ADAMTSL4: variants seen among roughly 807,000 people sequenced by gnomAD.
ADAMTSL4 encodes the protein ADAMTS-like protein 4.
Under a neutral mutation model 122.8 loss-of-function variants are expected in ADAMTSL4, and 97 were observed. That is an observed-to-expected ratio of 0.79 (90% CI 0.67 to 0.93). The LOEUF (loss-of-function observed/expected upper bound fraction) is 0.93, where lower values mean the gene tolerates loss of function less well. Ranked by LOEUF, ADAMTSL4 falls within the 40% of genes least tolerant of loss-of-function variation. ADAMTSL4 has a pLI of 0.00. For missense variants in ADAMTSL4, 1,408 were observed against 1,453.5 expected (o/e 0.97, Z 0.51); for synonymous variants, 592 against 568.0 (o/e 1.04, Z -0.60).
chr1:150,552,934 G>A lies in ADAMTSL4; in HGVS notation c.115G>A (p.Glu39Lys), dbSNP rs1476070552. 3 of 1,612,922 alleles carry A rather than the reference G, an allele frequency of 1.9e-6. No individual in the cohort carries two copies. Among genetic ancestry groups the A allele is most frequent in the African/African-American group, 1.3e-5 (1 of 74,898 alleles). ...SGHSLQTPTE[E>K]GQGPEGVWGP... ...ACACTCTCTTCAGACACCTACAGAG[G>A]AGGGCCAGGGCCCCGAAGGTGTCTG... is the stretch of plus-strand genomic sequence containing the variant. The change falls in exon 5 of 19, where the codon GAG becomes AAG. Residue 39 changes from glutamate (E) to lysine (K), a missense_variant. Glu to Lys is a moderately conservative substitution (Grantham distance 56). Coordinates refer to ENST00000271643, the MANE Select transcript of ADAMTSL4 (RefSeq NM_019032.6). The surrounding 1 kb of genome is among the most constrained non-coding windows in gnomAD (Gnocchi z 4.0).
rs148221367 is a variant in ADAMTSL4 at position 150,557,262 on chromosome 1, G to C, written c.1974G>C (p.Arg658Ser). ...IPQMPAPPHP[R>S]TPLGSPAAYW... ...AGATGCCCGCCCCGCCCCATCCCAG[G>C]ACACCCCTGGGGTCTCCAGCTGCGT... Residue 658 changes from arginine to serine, a missense_variant, in exon 12 of 19, where the codon AGG (arginine) becomes AGC (serine). By Grantham distance (110) the Arg-to-Ser change is moderately radical. Coordinates refer to ENST00000271643, the MANE Select transcript of ADAMTSL4 (RefSeq NM_019032.6). 1.4e-4 allele frequency: 226 copies of C among 1,611,792 alleles called. No homozygotes were observed. The highest frequency in any genetic ancestry group is 1.8e-4 in the Non-Finnish European group (209 of 1,179,548).
chr1:150,555,698 C>A, intron 8 of ADAMTSL4, 133 bp downstream of exon 8: 2 of 1,277,962 alleles, frequency 1.6e-6, no homozygotes, highest in Non-Finnish European at 2.1e-6. Flanking sequence ...CACGCATATG[C>A]GCACAGACAC....
At chr1:150,558,345 C>T in intron 14 of ADAMTSL4, 128 bp from the exon 15 acceptor site, 1 of 1,538,502 alleles carries the variant, frequency 6.5e-7, no homozygotes, top group Non-Finnish European at 8.7e-7. Flanking sequence ...GCCTCCTCCT[C>T]AGCCCACGAA....
Position 150,553,617 on chromosome 1 carries a change from G to A in ADAMTSL4, c.626G>A (p.Ser209Asn), listed in dbSNP as rs749330047. 6.2e-7 allele frequency: 1 copy of A among 1,613,674 alleles called. No homozygotes were observed. The highest frequency in any genetic ancestry group is 8.5e-7 in the Non-Finnish European group (1 of 1,179,916). ...GCAGAGCCATTCTCCGCAAACGGCA[G>A]CCCCCAAACTGAGCTCCCTCCCACA... ...PRAEPFSANG[S>N]PQTELPPTEL... Residue 209 changes from serine (S) to asparagine (N), a missense_variant, in exon 6 of 19, where the codon AGC (serine) becomes AAC (asparagine). Ser to Asn is a conservative substitution (Grantham distance 46). Coordinates refer to ENST00000271643, the MANE Select transcript of ADAMTSL4 (RefSeq NM_019032.6).
chr1:150,556,790 C>T lies in ADAMTSL4; in HGVS notation c.1746C>T (p.Val582=), dbSNP rs199966387. 2.5e-6 allele frequency: 4 copies of T among 1,613,226 alleles called. No individual in the cohort carries two copies. In the Admixed American group the frequency reaches 5.0e-5, roughly 20 times the overall value. Residue 582 remains valine (V), a synonymous_variant, in exon 10 of 19, where the codon GTC becomes GTT. Transcript: ENST00000271643. The surrounding 1 kb of genome is among the most constrained non-coding windows in gnomAD (Gnocchi z 4.1). The part of the protein sequence containing the change: ...AEGPTTQPVD[V]YMIFQEENPG... ...GCCCCACCACCCAGCCTGTGGATGT[C>T]TATGTGAGCCTGGGGCCAGGGGCAG...
At position 150,556,345 on chromosome 1, in the gene ADAMTSL4, C is replaced by G. The variant is rs369892162; in HGVS notation, c.1555C>G (p.Arg519Gly). 1 of 1,613,896 alleles carries G rather than the reference C, an allele frequency of 6.2e-7. No homozygotes were observed. Among genetic ancestry groups the G allele is most frequent in the African/African-American group, 1.3e-5 (1 of 74,924 alleles). ...CTTGCGGCTCCAGATTGCCCAGCTC[C>G]GGCCTAGCTCCAACTACCTGGGTGA... is the stretch of plus-strand genomic sequence containing the variant. ...GALRLQIAQL[R>G]PSSNYLALRG... Residue 519 changes from arginine (R) to glycine (G), a missense_variant, in exon 9 of 19, where the codon CGG becomes GGG. Transcript: ENST00000271643. This position sits in a 1 kb window ranked among gnomAD's most constrained non-coding sequence, Gnocchi z 4.1.
Position 150,559,800 on chromosome 1 carries a change from G to A in ADAMTSL4, c.2983G>A (p.Val995Ile). Residue 995 changes from valine (V) to isoleucine (I), a missense_variant, in exon 18 of 19, where the codon GTC (valine) becomes ATC (isoleucine). Physicochemically the swap from Val to Ile is conservative, Grantham distance 29. Transcript: ENST00000271643. The surrounding 1 kb of genome is among the most constrained non-coding windows in gnomAD (Gnocchi z 4.1). ...SCQGGTQTREVQCLSTNQTLS... is the reference protein window; with the variant it reads ...SCQGGTQTREIQCLSTNQTLS... Reference sequence around the variant, plus strand: ...CCAAGGGGGAACGCAGACACGGGAGGTCCAGTGCCTGAGCACCAACCAGAC... The same window carrying A: ...CCAAGGGGGAACGCAGACACGGGAGATCCAGTGCCTGAGCACCAACCAGAC... 1.2e-6 allele frequency: 2 copies of A among 1,613,924 alleles called. No individual in the cohort carries two copies. The highest frequency in any genetic ancestry group is 1.7e-6 in the Non-Finnish European group (2 of 1,179,978).
Position 150,558,973 on chromosome 1 carries a change from G to T in ADAMTSL4, c.2571G>T (p.Glu857Asp). The T allele has an allele frequency of 6.2e-7, 1 of 1,609,082 alleles. No individual in the cohort carries two copies. ...CTCCTCCTCCGCAGTGCTCAGCCGA[G>T]TGTGGGACGGGAATCCAGCGGCGCT... ...HSDWSSKCSA[E>D]CGTGIQRRSV... Residue 857 changes from glutamate to aspartate, a missense_variant, in exon 16 of 19, where the codon GAG becomes GAT. Physicochemically the swap from Glu to Asp is conservative, Grantham distance 45. Coordinates refer to ENST00000271643, the MANE Select transcript of ADAMTSL4 (RefSeq NM_019032.6).
chr1:150,559,478 G>A lies in ADAMTSL4; in HGVS notation c.2943+12G>A. 2 of 1,612,766 alleles carry A rather than the reference G, an allele frequency of 1.2e-6. No individual in the cohort carries two copies. Among genetic ancestry groups the A allele is most frequent in the East Asian group, 2.2e-5 (1 of 44,878 alleles). ...CGCCCTGGAGCCCAGTGAGTGTCTG[G>A]CTGCGCTGTCCTGCCCTGCTCAGCC... On this transcript the variant is annotated intron_variant, in intron 17 of 18. Coordinates refer to ENST00000271643, the MANE Select transcript of ADAMTSL4 (RefSeq NM_019032.6). The surrounding 1 kb of genome is among the most constrained non-coding windows in gnomAD (Gnocchi z 4.1).
In ADAMTSL4 at chr1:150,552,742, C is replaced by A; in HGVS notation, c.78+142C>A. ...CTGCCAACTCCCCAGTTCCTTGCCTCATAACACCAAGAGGCCGAGGTGTAG... is the reference window on the plus strand; with the variant it reads ...CTGCCAACTCCCCAGTTCCTTGCCTAATAACACCAAGAGGCCGAGGTGTAG... On this transcript the variant is annotated intron_variant, in intron 4 of 18. Coordinates refer to ENST00000271643, the MANE Select transcript of ADAMTSL4 (RefSeq NM_019032.6). The surrounding 1 kb of genome is among the most constrained non-coding windows in gnomAD (Gnocchi z 4.0). 7.6e-7 allele frequency: 1 copy of A among 1,319,526 alleles called. No homozygotes were observed. 81.7% of individuals were successfully genotyped at this position (1,319,526 alleles called of 1,614,324 possible).
At chr1:150,557,718 C>T (rs1672322272) in intron 13 of ADAMTSL4, 95 bp downstream of exon 13, 1 of 1,423,518 alleles carries the variant, frequency 7.0e-7, no homozygotes, top group African/African-American at 1.4e-5. Context: ...AACGCAACAT[C>T]TCCTGGCTGC....
intron 8 of ADAMTSL4, 103 bp downstream of exon 8, chr1:150,555,668 CACATGCAA>C: frequency 6.7e-7 from 1 of 1,496,732 alleles, no homozygotes; most frequent in Non-Finnish European, 9.1e-7. Flanking sequence ...AACACATGCA[CACATGCAA>C]GCACATACAC....
Position 150,559,547 on chromosome 1 carries a change from A to G in ADAMTSL4, c.2943+81A>G, listed in dbSNP as rs1303631050. The G allele has an allele frequency of 6.9e-6, 11 of 1,589,330 alleles. No homozygotes were observed. Among genetic ancestry groups the G allele is most frequent in the African/African-American group, 1.3e-5 (1 of 74,484 alleles). On this transcript the variant is annotated intron_variant, in intron 17 of 18. Transcript: ENST00000271643. The surrounding 1 kb of genome is among the most constrained non-coding windows in gnomAD (Gnocchi z 4.1). ...GAGCTCCTCTCGCTGTACCCCCTCC[A>G]GGTCTCTCTGTGCCCCAGAATAAGC...
chr1:150,552,003 A>C lies in ADAMTSL4; in HGVS notation c.-84-202A>C. ...CTACAGGGCCCAGAGGTGGGGACTG[A>C]GCCTTAGTTGGAGGGCTGAGGTCAG... On this transcript the variant is annotated intron_variant, in intron 2 of 18. Transcript: ENST00000271643. This position sits in a 1 kb window ranked among gnomAD's most constrained non-coding sequence, Gnocchi z 4.0. The C allele has an allele frequency of 6.1e-6, 3 of 488,894 alleles. No individual in the cohort carries two copies. The highest frequency in any genetic ancestry group is 1.1e-5 in the Non-Finnish European group (3 of 275,210). The allele number at this position is 488,894 out of a possible 1,614,324, so 30.3% of individuals were successfully genotyped here.
At chr1:150,551,121 CCA>C in intron 2 of ADAMTSL4, 1 of 411,442 alleles carries the variant, frequency 2.4e-6, no homozygotes, top group South Asian at 1.7e-5. Context: ...CCTCACTTCT[CCA>C]GTGTTCAAAG....
At chr1:150,551,956 T>G (rs1299078981) in intron 2 of ADAMTSL4, 1 of 368,262 alleles carries the variant, frequency 2.7e-6, no homozygotes, top group Admixed American at 4.2e-5. Context: ...TAGGTAGGAT[T>G]TGGGGAGGAG....
In ADAMTSL4 at chr1:150,554,635, G is replaced by T; in HGVS notation, c.1234+168G>T. 6.5e-7 allele frequency: 1 copy of T among 1,542,614 alleles called. No homozygotes were observed. The highest frequency in any genetic ancestry group is 8.7e-7 in the Non-Finnish European group (1 of 1,146,950). ...GCTGGGTCAGGAGACAGCACAGGTGGTGAGTGGTCTGCAGAAGGGTCGGGG... is the reference window on the plus strand; with the variant it reads ...GCTGGGTCAGGAGACAGCACAGGTGTTGAGTGGTCTGCAGAAGGGTCGGGG... On this transcript the variant is annotated intron_variant, in intron 7 of 18. Transcript: ENST00000271643. This position sits in a 1 kb window ranked among gnomAD's most constrained non-coding sequence, Gnocchi z 4.0.
rs1672078978 is a variant in ADAMTSL4 at position 150,556,107 on chromosome 1, G to A, written c.1372-55G>A. On this transcript the variant is annotated intron_variant, in intron 8 of 18. Coordinates refer to ENST00000271643, the MANE Select transcript of ADAMTSL4 (RefSeq NM_019032.6). The surrounding 1 kb of genome is among the most constrained non-coding windows in gnomAD (Gnocchi z 4.1). Reference sequence around the variant, plus strand: ...TGAGGCTCCCGAGGGGACCGGGGTGGGGTTGAGGTGGTGTCTGGCGTTCTG... The same window carrying A: ...TGAGGCTCCCGAGGGGACCGGGGTGAGGTTGAGGTGGTGTCTGGCGTTCTG... The A allele has an allele frequency of 1.9e-6, 3 of 1,595,440 alleles. No homozygotes were observed. The highest frequency in any genetic ancestry group is 2.6e-6 in the Non-Finnish European group (3 of 1,166,170).
rs747351205 is a variant in ADAMTSL4, at chr1:150,556,803, G to T, written c.1749+10G>T. The T allele has an allele frequency of 4.3e-6, 7 of 1,612,064 alleles. No homozygotes were observed. The Admixed American group carries it at 5.0e-5, about 12-fold the overall frequency. ...GCCTGTGGATGTCTATGTGAGCCTG[G>T]GGCCAGGGGCAGCTGAATGCTGGGG... is the stretch of plus-strand genomic sequence containing the variant. On this transcript the variant is annotated intron_variant, in intron 10 of 18. Coordinates refer to ENST00000271643, the MANE Select transcript of ADAMTSL4 (RefSeq NM_019032.6). This position sits in a 1 kb window ranked among gnomAD's most constrained non-coding sequence, Gnocchi z 4.1.
Sources: gnomAD v4.1 joint callset for allele counts on GRCh38, gnomAD v4.1.1 for gene constraint, Gnocchi (gnomAD v3.1) non-coding constraint, MANE v1.5 for transcripts, NCBI Gene and HGNC (gene_info 2026-07-23, HGNC 2026-07-21) for gene names.